TACR3: variants seen among roughly 807,000 people sequenced by gnomAD.
TACR3 encodes neuromedin-K receptor.
Under a neutral mutation model 35.0 loss-of-function variants are expected in TACR3, and 34 were observed. The ratio of observed to expected loss-of-function variants is 0.97; its 90% CI spans 0.74 to 1.30. The LOEUF is 1.30. TACR3 is among the 50% of genes most tolerant of loss of function. TACR3 has a pLI of 0.00. For synonymous variants in TACR3, 233 were observed against 221.1 expected (o/e 1.05, Z -0.48); for missense variants, 558 against 591.7 (o/e 0.94, Z 0.59).
At chr4:103,621,159 CCTT>C (rs757260479) in intron 3 of TACR3, among the ~76,000 whole-genome samples, 1 of 152,168 alleles carries the variant, frequency 6.6e-6, no homozygotes, top group Non-Finnish European at 1.5e-5. Context: ...ATTGAAGAGT[CCTT>C]CTAGAAGAAT....
chr4:103,696,034 T>A (rs1413450426), intron 1 of TACR3, among the ~76,000 whole-genome samples: 1 of 152,138 alleles, frequency 6.6e-6, no homozygotes, highest in Non-Finnish European at 1.5e-5. Context: ...TATAATTGTA[T>A]CTCTGACAAA....
intron 1 of TACR3, among the ~76,000 whole-genome samples, chr4:103,708,888 C>A (rs1261869654): frequency 6.6e-6 from 1 of 152,118 alleles, no homozygotes; most frequent in Non-Finnish European, 1.5e-5. Flanking sequence ...ATTTGATTAA[C>A]TGGAAGAAAG....
intron 3 of TACR3, among the ~76,000 whole-genome samples, chr4:103,605,009 T>G (rs1445596064): frequency 2.2e-5 from 3 of 134,512 alleles, no homozygotes; most frequent in African/African-American, 5.7e-5. Flanking sequence ...GTCCCCAGAG[T>G]GTGATGTTCC....
chr4:103,644,522 A>G (rs1233531272), intron 3 of TACR3, among the ~76,000 whole-genome samples: 2 of 151,856 alleles, frequency 1.3e-5, no homozygotes, highest in Admixed American at 6.6e-5. Context: ...TCATCGGTCA[A>G]AATAAAAACT....
intron 1 of TACR3, among the ~76,000 whole-genome samples, chr4:103,704,034 G>A (rs933218994): frequency 1.0e-4 from 15 of 149,760 alleles, no homozygotes; most frequent in Admixed American, 2.0e-4. Flanking sequence ...AACCCGGCAG[G>A]CGGAGCTTGC....
chr4:103,672,301 C>T (rs1006122377), intron 1 of TACR3, among the ~76,000 whole-genome samples: 8 of 152,028 alleles, frequency 5.3e-5, no homozygotes, highest in Non-Finnish European at 1.0e-4. Flanking sequence ...TTTACTTTTC[C>T]CAGATCCATC....
intron 1 of TACR3, among the ~76,000 whole-genome samples, chr4:103,666,941 G>C (rs17033975): frequency 0.045 from 6,884 of 152,088 alleles, 554 homozygotes; most frequent in African/African-American, 0.16. Context: ...AGTCACTTCA[G>C]TGTCATCAAT....
chr4:103,611,779 C>CAGTA (rs1162819878), intron 3 of TACR3, among the ~76,000 whole-genome samples: 1 of 152,166 alleles, frequency 6.6e-6, no homozygotes, highest in Non-Finnish European at 1.5e-5. Context: ...ATCCACACCT[C>CAGTA]AGTAAGTGTC....
intron 1 of TACR3, among the ~76,000 whole-genome samples, chr4:103,678,121 G>A (rs932680587): frequency 3.3e-5 from 5 of 152,088 alleles, no homozygotes; most frequent in South Asian, 2.1e-4. Context: ...CTTGAATAAT[G>A]GCAACTAGTG....
intron 3 of TACR3, among the ~76,000 whole-genome samples, chr4:103,609,938 C>T (rs183243552): frequency 6.6e-6 from 1 of 152,074 alleles, no homozygotes; most frequent in African/African-American, 2.4e-5. Flanking sequence ...GAAACTGTTA[C>T]AAATCATAAA....
chr4:103,641,882 C>CAAAT, intron 3 of TACR3, among the ~76,000 whole-genome samples: 1 of 151,846 alleles, frequency 6.6e-6, no homozygotes, highest in Middle Eastern at 3.4e-3. Flanking sequence ...CACAGAAAGG[C>CAAAT]AAATACTTCA....
At chr4:103,603,408 C>G (rs530483858) in intron 3 of TACR3, among the ~76,000 whole-genome samples, 1 of 152,232 alleles carries the variant, frequency 6.6e-6, no homozygotes, top group Non-Finnish European at 1.5e-5. Flanking sequence ...CTGTCTTGCA[C>G]CTACTGTCTG....
chr4:103,641,611 C>A (rs1028736616), intron 3 of TACR3, among the ~76,000 whole-genome samples: 6 of 151,950 alleles, frequency 3.9e-5, no homozygotes, highest in Non-Finnish European at 7.4e-5. Context: ...TCTGATTCAG[C>A]AATCTCACTT....
rs1340484436 is a variant in TACR3, at chr4:103,588,847, T to C, written c.*835A>G. The C allele has an allele frequency of 6.6e-6, 1 of 152,170 alleles. No individual in the cohort carries two copies. Among genetic ancestry groups the C allele is most frequent in the Non-Finnish European group, 1.5e-5 (1 of 68,008 alleles). 9.4% of individuals were successfully genotyped at this position (152,170 alleles called of 1,614,324 possible). On this transcript the variant is annotated 3_prime_UTR_variant, in exon 5 of 5. Transcript: ENST00000304883. ...ATAAATAGTATTCTTCCTCTATTTA[T>C]TGGAATGTACCTTTACTGTTTTATA...
intron 3 of TACR3, among the ~76,000 whole-genome samples, chr4:103,655,742 G>A (rs140367369): frequency 2.0e-5 from 3 of 152,034 alleles, no homozygotes; most frequent in Admixed American, 6.6e-5. Flanking sequence ...AAGAGACGAG[G>A]GGATACAGGA....
At chr4:103,664,280 C>G (rs1480799254) in intron 1 of TACR3, among the ~76,000 whole-genome samples, 2 of 152,118 alleles carry the variant, frequency 1.3e-5, no homozygotes, top group African/African-American at 4.8e-5. Flanking sequence ...TACTTATTGT[C>G]TTTTGAAAGG....
chr4:103,694,438 C>T (rs545611468), intron 1 of TACR3, among the ~76,000 whole-genome samples: 7 of 152,196 alleles, frequency 4.6e-5, no homozygotes, highest in Non-Finnish European at 7.4e-5. Context: ...AGATAGCCAC[C>T]GGAATAAGAC....
chr4:103,630,279 C>T (rs1725028967), intron 3 of TACR3, among the ~76,000 whole-genome samples: 1 of 152,156 alleles, frequency 6.6e-6, no homozygotes, highest in South Asian at 2.1e-4. Flanking sequence ...TAGGCATGGG[C>T]AAGGACTTCA....
intron 3 of TACR3, among the ~76,000 whole-genome samples, chr4:103,644,963 T>C (rs1230408423): frequency 6.6e-6 from 1 of 151,868 alleles, no homozygotes; most frequent in Non-Finnish European, 1.5e-5. Flanking sequence ...CTTGAACATC[T>C]CCATGATATA....
Sources: allele counts gnomAD v4.1 joint callset (sites outside exome capture counted in the v4.1 genomes callset), GRCh38; gene constraint gnomAD v4.1.1; transcripts MANE v1.5; gene names NCBI Gene and HGNC (gene_info 2026-07-23, HGNC 2026-07-21).